DDC: variants seen among roughly 807,000 people sequenced by gnomAD.
DDC encodes dopa decarboxylase.
A neutral mutation model predicts 60.0 loss-of-function variants in DDC; 43 were observed. The ratio of observed to expected loss-of-function variants is 0.72; its 90% CI spans 0.56 to 0.92. The LOEUF (loss-of-function observed/expected upper bound fraction) is 0.92, where lower values mean the gene tolerates loss of function less well. DDC is among the 40% of genes least tolerant of loss of function. The pLI is 0.00. For synonymous variants in DDC, 232 were observed against 234.6 expected, an observed-to-expected ratio of 0.99 and a Z score of 0.10; for missense variants, 573 against 620.2, an observed-to-expected ratio of 0.92 and a Z score of 0.81.
intron 6 of DDC, among the ~76,000 whole-genome samples, chr7:50,526,311 T>C (rs1011168367): frequency 2.0e-5 from 3 of 152,174 alleles, no homozygotes; most frequent in Middle Eastern, 3.4e-3. Flanking sequence ...AAAATAAAAC[T>C]AGCTACCAAA....
At chr7:50,547,157 C>T (rs1278893809) in intron 1 of DDC, among the ~76,000 whole-genome samples, 3 of 151,846 alleles carry the variant, frequency 2.0e-5, no homozygotes, top group Non-Finnish European at 4.4e-5. Context: ...GCCTGTTTTT[C>T]TTTACTAATT....
chr7:50,497,912 C>G (rs1007702), intron 8 of DDC, among the ~76,000 whole-genome samples: 1 of 152,048 alleles, frequency 6.6e-6, no homozygotes, highest in African/African-American at 2.4e-5. Context: ...TATTCTATAC[C>G]TCTGGTACCC....
At position 50,526,444 on chromosome 7, in the gene DDC, G is replaced by A. The variant is rs1037681640; in HGVS notation, c.714+1693C>T. On this transcript the variant is annotated intron_variant, in intron 6 of 14. Coordinates refer to ENST00000444124, the MANE Select transcript of DDC (RefSeq NM_001082971.2). ...AAATTCACACTAAAAATTTCTAAAGGGAATTCTACAGACTAAAAGAAAAGA... is the reference window on the plus strand; with the variant it reads ...AAATTCACACTAAAAATTTCTAAAGAGAATTCTACAGACTAAAAGAAAAGA... Among the ~76,000 whole-genome samples the A allele has an allele frequency of 3.3e-5, 5 of 151,996 alleles. No homozygotes were observed. The South Asian group carries it at 1.0e-3, about 32-fold the overall frequency.
intron 6 of DDC, chr7:50,527,733 A>C (rs924104098): frequency 5.0e-5 from 12 of 239,356 alleles, no homozygotes; most frequent in Non-Finnish European, 8.3e-5. Flanking sequence ...GATGGCAGGT[A>C]CACCTTGATC....
At chr7:50,481,558 C>T (rs2042769405) in intron 9 of DDC, among the ~76,000 whole-genome samples, 1 of 152,152 alleles carries the variant, frequency 6.6e-6, no homozygotes, top group Admixed American at 6.5e-5. Context: ...AAATTTTGCA[C>T]TAATTAAAGC....
At chr7:50,491,284 T>C (rs2042992527) in intron 9 of DDC, among the ~76,000 whole-genome samples, 1 of 152,232 alleles carries the variant, frequency 6.6e-6, no homozygotes, top group Non-Finnish European at 1.5e-5. Flanking sequence ...ATGTCAGTTT[T>C]CCAGGATTGT....
rs886062372 is a variant in DDC at position 50,499,171 on chromosome 7, G to T, written c.853C>A (p.Arg285=). The T allele has an allele frequency of 4.3e-6, 7 of 1,613,870 alleles. No individual in the cohort carries two copies. The highest frequency in any genetic ancestry group is 2.2e-5 in the East Asian group (1 of 44,878). ...AGSAFICPEF[R]HLLNGVEFAD... ...ACCTCCACTCCATTCAGAAGGTGCC[G>T]GAACTCAGGGCAGATGAATGCACTG... is the stretch of plus-strand genomic sequence containing the variant. Residue 285 remains arginine (R), a synonymous_variant, in exon 8 of 15, where the codon CGG becomes AGG. Coordinates refer to ENST00000444124, the MANE Select transcript of DDC (RefSeq NM_001082971.2).
chr7:50,495,107 C>A (rs2043099777), intron 9 of DDC, among the ~76,000 whole-genome samples: 1 of 152,154 alleles, frequency 6.6e-6, no homozygotes, highest in African/African-American at 2.4e-5. Flanking sequence ...CTGGATAAAT[C>A]AAATAAAAAA....
At chr7:50,520,956 A>G (rs909471016) in intron 6 of DDC, among the ~76,000 whole-genome samples, 4 of 151,638 alleles carry the variant, frequency 2.6e-5, no homozygotes, top group Non-Finnish European at 5.9e-5. Context: ...CAATGTAAGC[A>G]GAAGAAAAGA....
At chr7:50,488,557 C>T (rs187399600) in intron 9 of DDC, among the ~76,000 whole-genome samples, 2 of 151,810 alleles carry the variant, frequency 1.3e-5, no homozygotes, top group African/African-American at 4.8e-5. Context: ...TGGGATAAAA[C>T]AGAAACTCCA....
At chr7:50,506,019 G>A (rs556969781) in intron 6 of DDC, among the ~76,000 whole-genome samples, 2 of 152,228 alleles carry the variant, frequency 1.3e-5, no homozygotes, top group African/African-American at 2.4e-5. Flanking sequence ...GAGGGGTGGG[G>A]GAAAAACAGC....
intron 11 of DDC, among the ~76,000 whole-genome samples, chr7:50,471,071 G>T (rs1018862742): frequency 6.6e-6 from 1 of 152,198 alleles, no homozygotes; most frequent in Admixed American, 6.5e-5. Flanking sequence ...CTGCTCCCCA[G>T]TAGGAGGGCT....
chr7:50,548,289 C>G lies in DDC; in HGVS notation c.-28-4176G>C, dbSNP rs182306028. 6.6e-5 allele frequency among the ~76,000 whole-genome samples: 10 copies of G among 152,202 alleles called. No homozygotes were observed. The East Asian group carries it at 1.9e-3, about 29-fold the overall frequency. On this transcript the variant is annotated intron_variant, in intron 1 of 14. Coordinates refer to ENST00000444124, the MANE Select transcript of DDC (RefSeq NM_001082971.2). The stretch of plus-strand genomic sequence containing the variant: ...AGGTAGTATGTCTCTCACTTTAAAT[C>G]AAAAGCTAGAAATGATTCAGCTGAG...
intron 1 of DDC, among the ~76,000 whole-genome samples, chr7:50,559,581 C>T (rs1430384454): frequency 1.3e-5 from 2 of 152,156 alleles, no homozygotes; most frequent in African/African-American, 4.8e-5. Context: ...GCACGCACAA[C>T]CACGCCTGTC....
At chr7:50,505,640 G>T (rs1379996885) in intron 6 of DDC, among the ~76,000 whole-genome samples, 2 of 152,376 alleles carry the variant, frequency 1.3e-5, no homozygotes, top group South Asian at 2.1e-4. Flanking sequence ...CCTGCAGAAG[G>T]TTCGTCTCAC....
chr7:50,501,338 G>A (rs1107742), intron 7 of DDC, among the ~76,000 whole-genome samples: 14,840 of 152,086 alleles, frequency 0.098, 1,077 homozygotes, highest in South Asian at 0.12. Context: ...CCATACCCTC[G>A]TCCTCAGTTT....
chr7:50,497,282 G>T (rs886499840), intron 8 of DDC, among the ~76,000 whole-genome samples: 2 of 152,208 alleles, frequency 1.3e-5, no homozygotes, highest in Admixed American at 1.3e-4. Flanking sequence ...ATGAAATCCT[G>T]TCTGTTGCTG....
chr7:50,525,543 C>A (rs1364595545), intron 6 of DDC, among the ~76,000 whole-genome samples: 1 of 152,140 alleles, frequency 6.6e-6, no homozygotes, highest in East Asian at 1.9e-4. Context: ...GCAGGCAGAT[C>A]ACCTGCAGTC....
intron 13 of DDC, among the ~76,000 whole-genome samples, chr7:50,466,042 G>T (rs1312180735): frequency 1.3e-5 from 2 of 152,218 alleles, no homozygotes; most frequent in Admixed American, 6.5e-5. Flanking sequence ...AGAGTCAGGT[G>T]AGGCAAAAGG....
Sources: allele counts gnomAD v4.1 joint callset (sites outside exome capture counted in the v4.1 genomes callset), GRCh38; gene constraint gnomAD v4.1.1; transcripts MANE v1.5; gene names NCBI Gene and HGNC (gene_info 2026-07-23, HGNC 2026-07-21).